Variants in PHF14 observed in about 807,000 individuals in gnomAD.
PHF14 encodes PHD finger protein 14.
Under a neutral mutation model 117.9 loss-of-function variants are expected in PHF14, and 55 were observed. That is an observed-to-expected ratio of 0.47 (90% CI 0.38 to 0.58). The LOEUF (loss-of-function observed/expected upper bound fraction) is 0.58. Among genes scored for constraint, PHF14 ranks in the 20% least tolerant of loss-of-function variants. The pLI is 0.00. For synonymous variants in PHF14, 409 were observed against 368.6 expected (o/e 1.11, Z -1.26); for missense variants, 978 against 1,122.2 (o/e 0.87, Z 1.84).
chr7:11,161,631 T>C (rs1789027241), intron 17 of PHF14, among the ~76,000 whole-genome samples: 1 of 149,734 alleles, frequency 6.7e-6, no homozygotes, highest in Non-Finnish European at 1.5e-5. Flanking sequence ...TTTTAAATAT[T>C]ATTTTTGCCT....
Position 10,999,757 on chromosome 7 carries a change from A to G in PHF14, c.1045+8910A>G, listed in dbSNP as rs78967610. Among the ~76,000 whole-genome samples, 242 of 152,342 alleles carry G rather than the reference A, an allele frequency of 1.6e-3. 3 individuals are homozygous for G. Among genetic ancestry groups the G allele is most frequent in the Admixed American group, 0.011 (170 of 15,304 alleles). ...GTAGCTTTGATTTTCAGAAACATTT[A>G]AAAAGTCTGAATCAAGGCAGACAAA... On this transcript the variant is annotated intron_variant, in intron 4 of 17. Coordinates refer to ENST00000634607, the MANE Select transcript of PHF14 (RefSeq NM_001007157.2).
At chr7:11,139,180 A>G (rs1788333314) in intron 17 of PHF14, among the ~76,000 whole-genome samples, 1 of 152,184 alleles carries the variant, frequency 6.6e-6, no homozygotes, top group African/African-American at 2.4e-5. Flanking sequence ...CCACTATCAT[A>G]GAAGTGAATT....
At chr7:11,047,248 T>C (rs1174918896) in intron 13 of PHF14, among the ~76,000 whole-genome samples, 1 of 151,886 alleles carries the variant, frequency 6.6e-6, no homozygotes, top group Admixed American at 6.6e-5. Context: ...TTTTGTATTT[T>C]TAGTAGAGAT....
intron 3 of PHF14, among the ~76,000 whole-genome samples, chr7:10,985,778 A>C (rs1169599128): frequency 6.7e-6 from 1 of 148,810 alleles, no homozygotes; most frequent in Admixed American, 6.8e-5. Flanking sequence ...TCAGTCTCCC[A>C]AGTAGCTGGG....
At chr7:11,087,276 C>G (rs979741959) in intron 16 of PHF14, among the ~76,000 whole-genome samples, 30 of 151,988 alleles carry the variant, frequency 2.0e-4, no homozygotes, top group African/African-American at 6.5e-4. Flanking sequence ...ACTGCAACCT[C>G]TGCCTCCTGG....
intron 4 of PHF14, among the ~76,000 whole-genome samples, chr7:10,993,939 G>A (rs1034624644): frequency 6.6e-6 from 1 of 151,692 alleles, no homozygotes; most frequent in African/African-American, 2.4e-5. Flanking sequence ...AACCTAGGAG[G>A]TGGAGGCTGC....
intron 3 of PHF14, among the ~76,000 whole-genome samples, chr7:10,990,074 C>G (rs1165356328): frequency 1.3e-5 from 2 of 150,664 alleles, no homozygotes; most frequent in African/African-American, 4.9e-5. Flanking sequence ...TTTTCTGTAT[C>G]TCTGTGTATT....
At chr7:11,030,144 C>G (rs918759779) in intron 7 of PHF14, among the ~76,000 whole-genome samples, 1 of 150,434 alleles carries the variant, frequency 6.6e-6, no homozygotes, top group Non-Finnish European at 1.5e-5. Flanking sequence ...GAACAGTGAG[C>G]ATCTTCTCAG....
At chr7:11,055,775 A>G (rs1784995777) in intron 14 of PHF14, among the ~76,000 whole-genome samples, 1 of 152,146 alleles carries the variant, frequency 6.6e-6, no homozygotes, top group African/African-American at 2.4e-5. Flanking sequence ...CAAAGTACCT[A>G]TTTAATAATG....
In PHF14 at chr7:11,167,228, G is replaced by C. The variant is rs553271222; in HGVS notation, c.2773-2188G>C. 4.6e-5 allele frequency among the ~76,000 whole-genome samples: 7 copies of C among 152,280 alleles called. No homozygotes were observed. The East Asian group carries it at 1.4e-3, about 29-fold the overall frequency. ...GGAAGTCATACGGTGGAGAAACTTA[G>C]TAGACTGTCCGTGTGATAAAGGCTC... is the stretch of plus-strand genomic sequence containing the variant. On this transcript the variant is annotated intron_variant, in intron 17 of 17. Coordinates refer to ENST00000634607, the MANE Select transcript of PHF14 (RefSeq NM_001007157.2).
chr7:11,076,311 C>A lies in PHF14; in HGVS notation c.2654+14226C>A, dbSNP rs568774053. Among the ~76,000 whole-genome samples, 3 of 152,222 alleles carry A rather than the reference C, an allele frequency of 2.0e-5. No individual in the cohort carries two copies. The South Asian group carries it at 6.2e-4, about 32-fold the overall frequency. On this transcript the variant is annotated intron_variant, in intron 16 of 17. Coordinates refer to ENST00000634607, the MANE Select transcript of PHF14 (RefSeq NM_001007157.2). ...TGGTGGCATCCCTTCCGTGATCATACCTGCTGTTTTATTTTCTTTATTTTA... is the reference window on the plus strand; with the variant it reads ...TGGTGGCATCCCTTCCGTGATCATAACTGCTGTTTTATTTTCTTTATTTTA...
At chr7:11,068,979 C>T (rs1785518660) in intron 16 of PHF14, among the ~76,000 whole-genome samples, 1 of 152,012 alleles carries the variant, frequency 6.6e-6, no homozygotes, top group Admixed American at 6.6e-5. Context: ...GTTTTTGATG[C>T]TATTGTATAG....
At chr7:10,994,154 C>G (rs768050553) in intron 4 of PHF14, among the ~76,000 whole-genome samples, 45 of 151,444 alleles carry the variant, frequency 3.0e-4, no homozygotes, top group Non-Finnish European at 5.7e-4. Flanking sequence ...ATGTAAAGAT[C>G]TCAGCCAAGC....
intron 4 of PHF14, among the ~76,000 whole-genome samples, chr7:10,994,265 C>T (rs546206734): frequency 6.6e-6 from 1 of 151,916 alleles, no homozygotes; most frequent in Admixed American, 6.6e-5. Context: ...TGGTGAAACC[C>T]CATCTCTACT....
intron 16 of PHF14, among the ~76,000 whole-genome samples, chr7:11,077,667 G>A (rs1404014382): frequency 2.7e-5 from 4 of 150,658 alleles, no homozygotes; most frequent in African/African-American, 9.8e-5. Context: ...GTATGATTTG[G>A]AGAACAGATA....
chr7:11,013,921 T>G lies in PHF14; in HGVS notation c.1205+15T>G. On this transcript the variant is annotated intron_variant, in intron 5 of 17. Transcript: ENST00000634607. ...GATGCTGGAAGGTTAATGTCCTAAT[T>G]ATGTTGGTTCATATGTTTGCTTTAT... 1 of 1,569,224 alleles carries G rather than the reference T, an allele frequency of 6.4e-7. No individual in the cohort carries two copies. Among genetic ancestry groups the G allele is most frequent in the Non-Finnish European group, 8.7e-7 (1 of 1,145,724 alleles).
In PHF14 at chr7:11,137,013, G is replaced by T. The variant is rs115444290; in HGVS notation, c.2772+25546G>T. Among the ~76,000 whole-genome samples the T allele has an allele frequency of 7.9e-3, 1,210 of 152,262 alleles. 10 individuals are homozygous for T. Among genetic ancestry groups the T allele is most frequent in the African/African-American group, 0.028 (1,153 of 41,544 alleles). ...CCTTAATATATAAGACATATGCTAC[G>T]CATTTTCAGTGGGGACAAACATTGG... On this transcript the variant is annotated intron_variant, in intron 17 of 17. Transcript: ENST00000634607.
intron 3 of PHF14, among the ~76,000 whole-genome samples, chr7:10,983,936 C>G (rs781767789): frequency 3.9e-5 from 6 of 152,076 alleles, no homozygotes; most frequent in Admixed American, 6.6e-5. Context: ...ACATTTGTGT[C>G]TCTTTGTCTG....
At chr7:11,023,503 G>T (rs1285368366) in intron 6 of PHF14, among the ~76,000 whole-genome samples, 1 of 152,150 alleles carries the variant, frequency 6.6e-6, no homozygotes, top group Admixed American at 6.5e-5. Context: ...CTTGGTTGGG[G>T]CCTCTCTGTT....
Sources: allele counts gnomAD v4.1 joint callset (sites outside exome capture counted in the v4.1 genomes callset), GRCh38; gene constraint gnomAD v4.1.1; transcripts MANE v1.5; gene names NCBI Gene and HGNC (gene_info 2026-07-23, HGNC 2026-07-21).